ATOSA: variants seen among roughly 807,000 people sequenced by gnomAD.
ATOSA encodes atos homolog A, also known as atos homolog protein A.
chr15:52,588,284 G>A, the ATOSA span, among the ~76,000 whole-genome samples: 3 of 152,188 alleles, frequency 2.0e-5, no homozygotes, highest in Admixed American at 6.5e-5. Context: ...TTCTCAGGAT[G>A]TTCTCCTTAC....
the ATOSA span, among the ~76,000 whole-genome samples, chr15:52,691,319 G>A: frequency 6.6e-6 from 1 of 152,096 alleles, no homozygotes; most frequent in Non-Finnish European, 1.5e-5. Flanking sequence ...GTACTGCTGT[G>A]GAAATTCTCT....
the ATOSA span, among the ~76,000 whole-genome samples, chr15:52,634,344 T>A: frequency 6.6e-6 from 1 of 152,050 alleles, no homozygotes; most frequent in African/African-American, 2.4e-5. Flanking sequence ...GACAGAAGAC[T>A]CGCTTGCCAA....
the ATOSA span, chr15:52,679,506 C>A: frequency 6.6e-6 from 1 of 152,450 alleles, no homozygotes; most frequent in East Asian, 1.9e-4. Context: ...CCCCGGGGCG[C>A]TAGTTTGGGG....
the ATOSA span, chr15:52,613,864 T>TA: frequency 1.4e-5 from 23 of 1,611,660 alleles, no homozygotes; most frequent in Admixed American, 3.7e-4. Context: ...GTATCTGATA[T>TA]AAAAAAGGGG....
At chr15:52,616,439 T>G in the ATOSA span, among the ~76,000 whole-genome samples, 1 of 152,204 alleles carries the variant, frequency 6.6e-6, no homozygotes, top group African/African-American at 2.4e-5. Context: ...CTTCTTTAAG[T>G]TGTGTGACCC....
At chr15:52,694,658 T>C in the ATOSA span, among the ~76,000 whole-genome samples, 2 of 151,956 alleles carry the variant, frequency 1.3e-5, no homozygotes, top group African/African-American at 2.4e-5. Flanking sequence ...CGCCTCTATT[T>C]TTTTAATTAA....
chr15:52,693,559 G>C, the ATOSA span, among the ~76,000 whole-genome samples: 2 of 151,982 alleles, frequency 1.3e-5, no homozygotes, highest in Non-Finnish European at 2.9e-5. Context: ...AGGGATAGAG[G>C]TCCATTCACA....
the ATOSA span, among the ~76,000 whole-genome samples, chr15:52,640,854 T>A: frequency 2.0e-5 from 3 of 152,000 alleles, no homozygotes; most frequent in Non-Finnish European, 4.4e-5. Context: ...TATATAATGA[T>A]CAAATAGTAT....
chr15:52,659,962 T>G, the ATOSA span, among the ~76,000 whole-genome samples: 31,124 of 152,144 alleles, frequency 0.2, 4,283 homozygotes, highest in East Asian at 0.62. Context: ...ACAACAGGCA[T>G]AAACCAGGAT....
At chr15:52,610,496 T>C in the ATOSA span, 1 of 1,161,430 alleles carries the variant, frequency 8.6e-7, no homozygotes, top group African/African-American at 1.6e-5. Context: ...TTGCGTTAAT[T>C]ACCACTGAGG....
the ATOSA span, among the ~76,000 whole-genome samples, chr15:52,628,447 C>T: frequency 3.3e-5 from 5 of 152,236 alleles, no homozygotes; most frequent in East Asian, 9.6e-4. Flanking sequence ...TTTTCTGTGA[C>T]GTTCTCTAAG....
the ATOSA span, among the ~76,000 whole-genome samples, chr15:52,604,390 G>A: frequency 6.6e-6 from 1 of 152,144 alleles, no homozygotes; most frequent in Non-Finnish European, 1.5e-5. Flanking sequence ...ATTATTTTTT[G>A]AACATACGCG....
chr15:52,638,097 T>C, the ATOSA span, among the ~76,000 whole-genome samples: 8 of 152,242 alleles, frequency 5.3e-5, no homozygotes, highest in African/African-American at 7.2e-5. Flanking sequence ...TAGATTTTCA[T>C]AGATGTTCTT....
the ATOSA span, chr15:52,608,650 T>G: frequency 2.5e-6 from 4 of 1,611,004 alleles, no homozygotes; most frequent in Non-Finnish European, 3.4e-6. Context: ...TTGGGATTTT[T>G]CATTAGTTGG....
chr15:52,653,471 A>C, the ATOSA span, among the ~76,000 whole-genome samples: 1 of 152,148 alleles, frequency 6.6e-6, no homozygotes, highest in African/African-American at 2.4e-5. Context: ...GAGAGCTGCT[A>C]AGCCCCCTGA....
chr15:52,682,444 A>T, the ATOSA span, among the ~76,000 whole-genome samples: 1 of 152,238 alleles, frequency 6.6e-6, no homozygotes, highest in Non-Finnish European at 1.5e-5. Flanking sequence ...GGTAGAAGAC[A>T]CACAGGGAAG....
the ATOSA span, chr15:52,609,706 G>C: frequency 6.2e-7 from 1 of 1,613,728 alleles, no homozygotes; most frequent in Non-Finnish European, 8.5e-7. Context: ...TGAATGGAGT[G>C]AACTAGACTC....
chr15:52,614,340 C>A, the ATOSA span, among the ~76,000 whole-genome samples: 1 of 150,788 alleles, frequency 6.6e-6, no homozygotes, highest in South Asian at 2.1e-4. Context: ...TCCTGACCTC[C>A]GGTGATCCAC....
the ATOSA span, among the ~76,000 whole-genome samples, chr15:52,706,053 G>T: frequency 5.3e-5 from 8 of 152,184 alleles, no homozygotes; most frequent in South Asian, 1.2e-3. Context: ...AAACAAAAAA[G>T]AAATTGGTTA....
Sources: gnomAD v4.1 joint callset for allele counts (sites outside exome capture counted in the v4.1 genomes callset) on GRCh38, gnomAD v4.1.1 for gene constraint, MANE v1.5 for transcripts, NCBI Gene and HGNC (gene_info 2026-07-23, HGNC 2026-07-21) for gene names.